SEMA6D: variants seen among roughly 807,000 people sequenced by gnomAD.
The protein encoded by SEMA6D is semaphorin 6D.
In SEMA6D, 35 loss-of-function variants were observed where a neutral mutation model predicts 106.6. That is an observed-to-expected ratio of 0.33 (90% CI 0.25 to 0.44). SEMA6D has a LOEUF of 0.44. SEMA6D is among the 20% of genes least tolerant of loss of function. SEMA6D has a pLI of 1.00. For synonymous variants in SEMA6D, 499 were observed against 487.7 expected, an observed-to-expected ratio of 1.02 and a Z score of -0.31; for missense variants, 1,185 against 1,345.9, an observed-to-expected ratio of 0.88 and a Z score of 1.87.
chr15:47,516,487 CA>C (rs2044392367), intron 3 of SEMA6D, among the ~76,000 whole-genome samples: 1 of 152,230 alleles, frequency 6.6e-6, no homozygotes, highest in South Asian at 2.1e-4. Context: ...GTGGATTTAA[CA>C]AAAGCCTAAT....
At chr15:47,639,013 T>A (rs2077442869) in intron 4 of SEMA6D, among the ~76,000 whole-genome samples, 1 of 152,218 alleles carries the variant, frequency 6.6e-6, no homozygotes, top group South Asian at 2.1e-4. Flanking sequence ...GTGCACTATG[T>A]CTGTCTCCTG....
intron 3 of SEMA6D, among the ~76,000 whole-genome samples, chr15:47,576,843 C>T (rs11070596): frequency 0.99 from 150,798 of 152,316 alleles, 74,662 homozygotes; most frequent in Middle Eastern, 1. Context: ...ATGAGCCTTA[C>T]GCGGCTCTCG....
intron 3 of SEMA6D, among the ~76,000 whole-genome samples, chr15:47,572,710 A>C (rs1267119456): frequency 1.3e-5 from 2 of 152,228 alleles, no homozygotes; most frequent in Non-Finnish European, 2.9e-5. Context: ...GAAAAATACA[A>C]ACACAGAATG....
chr15:47,333,534 A>G (rs1416782575), intron 1 of SEMA6D, among the ~76,000 whole-genome samples: 2 of 152,096 alleles, frequency 1.3e-5, no homozygotes, highest in Non-Finnish European at 2.9e-5. Context: ...CCAGACCCAG[A>G]AGTACCACCT....
intron 3 of SEMA6D, 129 bp from the exon 4 acceptor site, chr15:47,760,849 T>C (rs1233849321): frequency 1.3e-6 from 1 of 797,260 alleles, no homozygotes; most frequent in East Asian, 2.7e-5. Flanking sequence ...TTGTTGACTT[T>C]GTTTGAGACA....
intron 4 of SEMA6D, among the ~76,000 whole-genome samples, chr15:47,610,190 G>T (rs1008013666): frequency 6.6e-6 from 1 of 152,158 alleles, no homozygotes; most frequent in Non-Finnish European, 1.5e-5. Context: ...ACCTAGCCAC[G>T]TTTCAGGATA....
At chr15:47,627,057 C>G (rs2077215645) in intron 4 of SEMA6D, among the ~76,000 whole-genome samples, 1 of 152,080 alleles carries the variant, frequency 6.6e-6, no homozygotes, top group Non-Finnish European at 1.5e-5. Context: ...GACCCATCAC[C>G]AGAGCCAAGC....
chr15:47,337,217 G>A (rs1200949378), intron 1 of SEMA6D, among the ~76,000 whole-genome samples: 6 of 152,158 alleles, frequency 3.9e-5, no homozygotes, highest in Non-Finnish European at 5.9e-5. Flanking sequence ...CATGAAATCA[G>A]TGGATATGGG....
intron 3 of SEMA6D, among the ~76,000 whole-genome samples, chr15:47,551,183 T>C (rs543252368): frequency 6.6e-6 from 1 of 152,174 alleles, no homozygotes; most frequent in Non-Finnish European, 1.5e-5. Flanking sequence ...TTGCTGGCTC[T>C]GATCCATTCT....
Position 47,708,119 on chromosome 15 carries a change from C to T in SEMA6D, c.-54-51626C>T, listed in dbSNP as rs543036561. Among the ~76,000 whole-genome samples the T allele has an allele frequency of 5.9e-5, 9 of 152,252 alleles. 1 individual carries two copies. Among genetic ancestry groups the T allele is most frequent in the Middle Eastern group, 3.4e-3 (1 of 294 alleles). ...TTGCTTCTCCAAGCTGTATATCCTC[C>T]GGCTTGAGACAGCTTGAGAGCTGTC... On this transcript the variant is annotated intron_variant, in intron 4 of 19. Transcript: ENST00000558014.
chr15:47,728,844 G>A (rs1004292626), intron 1 of SEMA6D, among the ~76,000 whole-genome samples: 3 of 152,116 alleles, frequency 2.0e-5, no homozygotes, highest in Admixed American at 1.3e-4. Flanking sequence ...CTCCCTCTCC[G>A]ACTCTTCTGC....
chr15:47,298,000 T>A (rs1316457044), intron 1 of SEMA6D, among the ~76,000 whole-genome samples: 1 of 152,206 alleles, frequency 6.6e-6, no homozygotes, highest in Non-Finnish European at 1.5e-5. Flanking sequence ...AACATTCTGA[T>A]CCTTATAGCC....
At chr15:47,471,212 T>C (rs1180886413) in intron 3 of SEMA6D, among the ~76,000 whole-genome samples, 1 of 152,162 alleles carries the variant, frequency 6.6e-6, no homozygotes, top group Non-Finnish European at 1.5e-5. Flanking sequence ...GTGGACTTCA[T>C]TGTGACTTTG....
At position 47,343,263 on chromosome 15, in the gene SEMA6D, A is replaced by ATTG. The variant is rs2037898501; in HGVS notation, c.-238-69128_-238-69127insGTT. Among the ~76,000 whole-genome samples, 5 of 149,994 alleles carry ATTG rather than the reference A, an allele frequency of 3.3e-5. No individual in the cohort carries two copies. The South Asian group carries it at 1.0e-3, about 31-fold the overall frequency. On this transcript the variant is annotated intron_variant, in intron 1 of 19. Transcript: ENST00000558014. ...TAGTTGGATTTTTATTATTATTATT[A>ATTG]TTATTATTATACTTTAAGTTTTAGG...
chr15:47,594,846 G>A (rs143989862), intron 3 of SEMA6D, among the ~76,000 whole-genome samples: 337 of 152,296 alleles, frequency 2.2e-3, no homozygotes, highest in African/African-American at 7.9e-3. Flanking sequence ...AGGAGCAGAT[G>A]TTTGTCAGGT....
At chr15:47,760,937 A>T (rs373149085) in intron 3 of SEMA6D, 41 bp from the exon 4 acceptor site, 9 of 1,531,162 alleles carry the variant, frequency 5.9e-6, no homozygotes, top group Non-Finnish European at 8.1e-6. Context: ...TAACATTTTT[A>T]TGTATTCACG....
intron 3 of SEMA6D, among the ~76,000 whole-genome samples, chr15:47,494,285 GAAATGTAATCTTATACACTACCCTA>G (rs2043565646): frequency 6.6e-6 from 1 of 152,024 alleles, no homozygotes; most frequent in Admixed American, 6.6e-5. Flanking sequence ...CTATATTCTA[GAAATGTAATCTTATACACTACCCTA>G]AAATTGGATA....
intron 1 of SEMA6D, among the ~76,000 whole-genome samples, chr15:47,186,075 GTA>G (rs1025933106): frequency 5.3e-5 from 8 of 152,030 alleles, no homozygotes; most frequent in African/African-American, 1.9e-4. Flanking sequence ...ATGTGTGCAT[GTA>G]TATATATGTG....
In SEMA6D at chr15:47,422,041, G is replaced by A. The variant is rs150824359; in HGVS notation, c.-159+9569G>A. ...AGAATGTTTAAGAACTAGGAAGACC[G>A]AAACTATTCAGCAAGAACTAAGAAC... On this transcript the variant is annotated intron_variant, in intron 2 of 19. Transcript: ENST00000558014. Among the ~76,000 whole-genome samples the A allele has an allele frequency of 1.1e-3, 173 of 152,040 alleles. 1 individual carries two copies. Among genetic ancestry groups the A allele is most frequent in the African/African-American group, 3.5e-3 (145 of 41,526 alleles).
Sources: gnomAD v4.1 joint callset for allele counts (sites outside exome capture counted in the v4.1 genomes callset) on GRCh38, gnomAD v4.1.1 for gene constraint, MANE v1.5 for transcripts, NCBI Gene and HGNC (gene_info 2026-07-23, HGNC 2026-07-21) for gene names.